SLC4A10: variants seen among roughly 807,000 people sequenced by gnomAD.
The protein encoded by SLC4A10 is sodium-driven chloride bicarbonate exchanger.
In SLC4A10, 42 loss-of-function variants were observed where a neutral mutation model predicts 137.7. That is an observed-to-expected ratio of 0.30 (90% CI 0.24 to 0.39). SLC4A10 has a LOEUF of 0.39. Among genes scored for constraint, SLC4A10 ranks in the 10% least tolerant of loss-of-function variants. The pLI is 1.00. For missense variants in SLC4A10, 925 were observed against 1,355.0 expected (o/e 0.68, Z 4.98); for synonymous variants, 474 against 464.1 (o/e 1.02, Z -0.27).
chr2:161,816,091 A>G (rs917433123), intron 3 of SLC4A10, among the ~76,000 whole-genome samples: 1 of 150,968 alleles, frequency 6.6e-6, no homozygotes, highest in Non-Finnish European at 1.5e-5. Context: ...AGTCACACAC[A>G]GAGACTTCAA....
At chr2:161,736,936 C>G (rs2047404507) in intron 1 of SLC4A10, among the ~76,000 whole-genome samples, 1 of 152,138 alleles carries the variant, frequency 6.6e-6, no homozygotes, top group South Asian at 2.1e-4. Flanking sequence ...TCATTGTTCA[C>G]TACAGCCTTG....
chr2:161,801,359 A>G (rs2125586548), intron 2 of SLC4A10, among the ~76,000 whole-genome samples: 1 of 151,658 alleles, frequency 6.6e-6, no homozygotes, highest in East Asian at 1.9e-4. Flanking sequence ...TTCTCTCTTA[A>G]TATATATATA....
chr2:161,879,540 T>A (rs960566976), intron 9 of SLC4A10, among the ~76,000 whole-genome samples: 1 of 147,070 alleles, frequency 6.8e-6, no homozygotes, highest in Admixed American at 7.1e-5. Flanking sequence ...TGAAGCCATA[T>A]GAATCCTTTT....
chr2:161,945,030 A>G (rs935158692), intron 16 of SLC4A10, among the ~76,000 whole-genome samples: 1 of 150,968 alleles, frequency 6.6e-6, no homozygotes, highest in African/African-American at 2.4e-5. Flanking sequence ...CAGCAAGGGC[A>G]AAGAACTTTA....
At chr2:161,865,233 G>A (rs969762060) in intron 6 of SLC4A10, among the ~76,000 whole-genome samples, 1 of 151,700 alleles carries the variant, frequency 6.6e-6, no homozygotes, top group African/African-American at 2.4e-5. Flanking sequence ...GCAGATCTAG[G>A]CACACTGTTT....
At chr2:161,916,421 A>G (rs528809433) in intron 15 of SLC4A10, among the ~76,000 whole-genome samples, 44 of 152,330 alleles carry the variant, frequency 2.9e-4, no homozygotes, top group Middle Eastern at 3.4e-3. Flanking sequence ...TGTCTAGATT[A>G]TTGCAATTGC....
chr2:161,693,907 A>G (rs764128939), intron 1 of SLC4A10, among the ~76,000 whole-genome samples: 2 of 151,944 alleles, frequency 1.3e-5, no homozygotes, highest in African/African-American at 2.4e-5. Context: ...TATAATGGCC[A>G]TTATGAATAA....
intron 15 of SLC4A10, among the ~76,000 whole-genome samples, chr2:161,907,449 A>G (rs1684704982): frequency 6.6e-6 from 1 of 152,208 alleles, no homozygotes; most frequent in Non-Finnish European, 1.5e-5. Context: ...CAAATCTACT[A>G]CATGCCAGGC....
At chr2:161,705,400 A>G (rs1050209841) in intron 1 of SLC4A10, among the ~76,000 whole-genome samples, 3 of 151,574 alleles carry the variant, frequency 2.0e-5, no homozygotes, top group Non-Finnish European at 3.0e-5. Context: ...CAAGAGCTAA[A>G]TGAGTAGTAA....
chr2:161,854,877 A>G, intron 4 of SLC4A10, 93 bp from the exon 5 acceptor site: 1 of 1,244,356 alleles, frequency 8.0e-7, no homozygotes. Context: ...ACACAATATG[A>G]CTATTTTTCT....
chr2:161,684,622 C>A (rs753553273), intron 1 of SLC4A10, among the ~76,000 whole-genome samples: 7 of 152,096 alleles, frequency 4.6e-5, no homozygotes, highest in Non-Finnish European at 7.4e-5. Context: ...AGGTACTTAA[C>A]CTGATTTTGT....
In SLC4A10 at chr2:161,751,602, G is replaced by A. The variant is rs1220301869; in HGVS notation, c.49-19371G>A. Among the ~76,000 whole-genome samples, 3 of 151,704 alleles carry A rather than the reference G, an allele frequency of 2.0e-5. No homozygotes were observed. The South Asian group carries it at 6.2e-4, about 31-fold the overall frequency. On this transcript the variant is annotated intron_variant, in intron 1 of 26. Transcript: ENST00000446997. ...AATTGATCATATATAGATATTTATT[G>A]AGTATATTTGTGGGAGGAGGGAAAG...
At chr2:161,734,100 G>A (rs902587303) in intron 1 of SLC4A10, among the ~76,000 whole-genome samples, 1 of 152,172 alleles carries the variant, frequency 6.6e-6, no homozygotes, top group South Asian at 2.1e-4. Context: ...TTGGACTGTG[G>A]ACTTTTGGGT....
intron 1 of SLC4A10, among the ~76,000 whole-genome samples, chr2:161,684,890 T>C (rs964592020): frequency 3.3e-5 from 5 of 152,146 alleles, no homozygotes; most frequent in African/African-American, 1.2e-4. Flanking sequence ...TAGCCAGAAA[T>C]AGGCAGTCAT....
At chr2:161,676,979 A>G (rs1470245021) in intron 1 of SLC4A10, among the ~76,000 whole-genome samples, 2 of 152,078 alleles carry the variant, frequency 1.3e-5, no homozygotes, top group African/African-American at 2.4e-5. Flanking sequence ...GATATATATA[A>G]TATTGTAATG....
At chr2:161,874,780 A>T (rs895588530) in intron 8 of SLC4A10, among the ~76,000 whole-genome samples, 5 of 152,222 alleles carry the variant, frequency 3.3e-5, no homozygotes, top group African/African-American at 1.2e-4. Context: ...GGCATTATAA[A>T]CTAGCTGATC....
At chr2:161,850,678 C>A (rs62187749) in intron 4 of SLC4A10, among the ~76,000 whole-genome samples, 9,227 of 151,952 alleles carry the variant, frequency 0.061, 368 homozygotes, top group East Asian at 0.13. Flanking sequence ...TTTTGTTGAT[C>A]TTTTGTGTGA....
intron 5 of SLC4A10, among the ~76,000 whole-genome samples, chr2:161,856,288 G>A (rs557887971): frequency 4.6e-5 from 7 of 151,516 alleles, no homozygotes; most frequent in African/African-American, 1.7e-4. Flanking sequence ...TGCAGTATGT[G>A]TGAAAAGAAA....
At chr2:161,711,565 T>C (rs1007259061) in intron 1 of SLC4A10, among the ~76,000 whole-genome samples, 1 of 151,800 alleles carries the variant, frequency 6.6e-6, no homozygotes. Flanking sequence ...TGCTGAAAGT[T>C]GCAGGAAGGT....
Sources: allele counts gnomAD v4.1 joint callset (sites outside exome capture counted in the v4.1 genomes callset), GRCh38; gene constraint gnomAD v4.1.1; transcripts MANE v1.5; gene names NCBI Gene and HGNC (gene_info 2026-07-23, HGNC 2026-07-21).